Variants in MGMT observed in about 807,000 individuals in gnomAD.
The protein encoded by MGMT is methylated-DNA--protein-cysteine methyltransferase.
Under a neutral mutation model 15.9 loss-of-function variants are expected in MGMT, and 14 were observed. The ratio of observed to expected loss-of-function variants is 0.88; its 90% CI spans 0.58 to 1.37. The LOEUF is 1.37. Among genes scored for constraint, MGMT ranks in the 40% most tolerant of loss-of-function variants. The pLI, the probability that MGMT is intolerant of heterozygous loss-of-function variation, is 0.00. For synonymous variants in MGMT, 130 were observed against 118.2 expected (o/e 1.10, Z -0.65); for missense variants, 282 against 268.1 (o/e 1.05, Z -0.36).
chr10:129,754,405 C>A (rs553876786), intron 3 of MGMT, among the ~76,000 whole-genome samples: 1 of 152,140 alleles, frequency 6.6e-6, no homozygotes, highest in Non-Finnish European at 1.5e-5. Context: ...GGGGAGCACA[C>A]CTCTTCCCAT....
chr10:129,676,912 T>C (rs1045153601), intron 2 of MGMT, among the ~76,000 whole-genome samples: 1 of 152,142 alleles, frequency 6.6e-6, no homozygotes, highest in Non-Finnish European at 1.5e-5. Flanking sequence ...AAAAAAAACA[T>C]TGAAAAAGCA....
chr10:129,618,035 C>T (rs1251487013), intron 2 of MGMT, among the ~76,000 whole-genome samples: 1 of 152,000 alleles, frequency 6.6e-6, no homozygotes, highest in Non-Finnish European at 1.5e-5. Flanking sequence ...ACCACTGTCT[C>T]CGGGATTCTT....
chr10:129,751,616 A>G (rs1003241903), intron 3 of MGMT, among the ~76,000 whole-genome samples: 2 of 151,156 alleles, frequency 1.3e-5, no homozygotes, highest in Non-Finnish European at 3.0e-5. Context: ...GATTATTGAG[A>G]CCTTTCTTTT....
At position 129,715,872 on chromosome 10, in the gene MGMT, C is replaced by T. The variant is rs750813438; in HGVS notation, c.274+7829C>T. On this transcript the variant is annotated intron_variant, in intron 3 of 4. Transcript: ENST00000651593. ...TGCAATCCTTATGTTCAGGCTGACTCGGAATATAAGATTCATGAGTCTCTG... is the reference window on the plus strand; with the variant it reads ...TGCAATCCTTATGTTCAGGCTGACTTGGAATATAAGATTCATGAGTCTCTG... 1.1e-4 allele frequency among the ~76,000 whole-genome samples: 17 copies of T among 152,310 alleles called. No individual in the cohort carries two copies. In the East Asian group the frequency reaches 1.7e-3, roughly 16 times the overall value.
rs375870594 is a variant in MGMT, at chr10:129,646,744, A to T, written c.126-61151A>T. On this transcript the variant is annotated intron_variant, in intron 2 of 4. Coordinates refer to ENST00000651593, the MANE Select transcript of MGMT (RefSeq NM_002412.5). ...AATATATATATATATATATATATAT[A>T]TATATATATATTTTCAGGGAATGGT... 8.2e-3 allele frequency among the ~76,000 whole-genome samples: 648 copies of T among 79,246 alleles called. 37 individuals are homozygous for T. Among genetic ancestry groups the T allele is most frequent in the Non-Finnish European group, 0.013 (469 of 35,988 alleles). 52.0% of individuals were successfully genotyped at this position (79,246 alleles called of 152,430 possible). A position where few individuals can be genotyped will look rare whatever the true frequency, so the allele number is the denominator to read the frequency against.
chr10:129,714,877 G>T (rs1190426391), intron 3 of MGMT, among the ~76,000 whole-genome samples: 1 of 152,338 alleles, frequency 6.6e-6, no homozygotes, highest in East Asian at 1.9e-4. Context: ...TGAATCCCAG[G>T]AAATTCATGA....
intron 3 of MGMT, among the ~76,000 whole-genome samples, chr10:129,749,033 C>T (rs1340000111): frequency 6.6e-6 from 1 of 152,176 alleles, no homozygotes; most frequent in Non-Finnish European, 1.5e-5. Flanking sequence ...CAGCTCCCCT[C>T]CCCCATTCAG....
At position 129,770,382 on chromosome 10, in the gene MGMT, T is replaced by A. The variant is rs1481112030; in HGVS notation, c.*3385T>A. ...CTGGTCAGTGAGATTCTCGCAGCAA[T>A]GTGAGGCATCCTCCTCACAGAAATG... On this transcript the variant is annotated 3_prime_UTR_variant, in exon 5 of 5. Coordinates refer to ENST00000651593, the MANE Select transcript of MGMT (RefSeq NM_002412.5). 6.6e-6 allele frequency among the ~76,000 whole-genome samples: 1 copy of A among 152,222 alleles called. No homozygotes were observed. The highest frequency in any genetic ancestry group is 2.4e-5 in the African/African-American group (1 of 41,460).
intron 3 of MGMT, among the ~76,000 whole-genome samples, chr10:129,738,355 G>A (rs550457637): frequency 1.3e-5 from 2 of 152,358 alleles, no homozygotes; most frequent in East Asian, 3.9e-4. Flanking sequence ...GACTAGGAAA[G>A]GGAACTCCCT....
chr10:129,627,676 T>C (rs1847166142), intron 2 of MGMT, among the ~76,000 whole-genome samples: 1 of 152,230 alleles, frequency 6.6e-6, no homozygotes. Context: ...CATGTTAGCC[T>C]TTTTCCACCA....
At chr10:129,687,818 G>A (rs551116451) in intron 2 of MGMT, among the ~76,000 whole-genome samples, 100 of 151,754 alleles carry the variant, frequency 6.6e-4, no homozygotes, top group Non-Finnish European at 1.1e-3. Context: ...ACTTACATTA[G>A]GTATATCTCC....
At chr10:129,590,160 T>G (rs1049953890) in intron 2 of MGMT, among the ~76,000 whole-genome samples, 1 of 152,256 alleles carries the variant, frequency 6.6e-6, no homozygotes, top group Non-Finnish European at 1.5e-5. Context: ...CCACATTCTC[T>G]GCTAATTCCC....
intron 2 of MGMT, among the ~76,000 whole-genome samples, chr10:129,704,964 T>A (rs1015107258): frequency 6.6e-6 from 1 of 152,144 alleles, no homozygotes; most frequent in Non-Finnish European, 1.5e-5. Flanking sequence ...GAAGTAACCC[T>A]GGACACACCC....
intron 3 of MGMT, among the ~76,000 whole-genome samples, chr10:129,737,013 T>C (rs1848571044): frequency 6.6e-6 from 1 of 152,190 alleles, no homozygotes; most frequent in African/African-American, 2.4e-5. Flanking sequence ...ATTTCAACTT[T>C]GGTGAATCTG....
At chr10:129,748,573 C>A (rs1000066397) in intron 3 of MGMT, among the ~76,000 whole-genome samples, 2 of 152,144 alleles carry the variant, frequency 1.3e-5, no homozygotes, top group Non-Finnish European at 2.9e-5. Flanking sequence ...AAACCATGGA[C>A]TGGGCACTAG....
intron 1 of MGMT, among the ~76,000 whole-genome samples, chr10:129,526,890 C>T (rs1359319785): frequency 6.6e-6 from 1 of 152,176 alleles, no homozygotes; most frequent in Non-Finnish European, 1.5e-5. Context: ...CTGCTTAATT[C>T]AGAACATTGT....
At chr10:129,606,026 A>G (rs990325992) in intron 2 of MGMT, among the ~76,000 whole-genome samples, 1 of 152,142 alleles carries the variant, frequency 6.6e-6, no homozygotes, top group Non-Finnish European at 1.5e-5. Flanking sequence ...CCTCTGTGCT[A>G]AGCACCCAAA....
intron 2 of MGMT, among the ~76,000 whole-genome samples, chr10:129,697,991 G>C (rs1380692195): frequency 2.0e-5 from 3 of 152,186 alleles, no homozygotes; most frequent in Non-Finnish European, 4.4e-5. Flanking sequence ...GCCTGTAGCG[G>C]CCACTTGCAC....
intron 2 of MGMT, among the ~76,000 whole-genome samples, chr10:129,630,003 G>A (rs1015465544): frequency 3.3e-5 from 5 of 152,248 alleles, no homozygotes; most frequent in South Asian, 4.1e-4. Context: ...GGATCTGCCC[G>A]TGGAGTGATG....
Sources: allele counts gnomAD v4.1 joint callset (sites outside exome capture counted in the v4.1 genomes callset), GRCh38; gene constraint gnomAD v4.1.1; transcripts MANE v1.5; gene names NCBI Gene and HGNC (gene_info 2026-07-23, HGNC 2026-07-21).